Variants in C5AR1 observed in about 807,000 individuals in gnomAD.
C5AR1 encodes the protein complement C5a receptor 1.
A neutral mutation model predicts 2.4 loss-of-function variants in C5AR1; 4 were observed. The ratio of observed to expected loss-of-function variants is 1.65; its 90% CI spans 0.81 to 3.77. The LOEUF (loss-of-function observed/expected upper bound fraction) is 3.77. Among genes scored for constraint, C5AR1 ranks in the 30% most tolerant of loss-of-function variants. The probability of loss-of-function intolerance (pLI) is 0.01; values close to 1 mark genes in which losing one functional copy is unlikely to be tolerated. For missense variants in C5AR1, 418 were observed against 462.5 expected (o/e 0.90, Z 0.88); for synonymous variants, 209 against 210.4 (o/e 0.99, Z 0.06).
upstream of C5AR1, among the ~76,000 whole-genome samples, chr19:47,308,950 T>G (rs2059261805): frequency 6.6e-6 from 1 of 152,076 alleles, no homozygotes; most frequent in South Asian, 2.1e-4. Flanking sequence ...AATTTTTGTA[T>G]TTTTAGTAGA....
In C5AR1 at chr19:47,320,200, C is replaced by T. The variant is rs762705701; in HGVS notation, c.423C>T (p.Pro141=). ...ACCGCTTTCTGCTGGTGTTTAAACCCATCTGGTGCCAGAACTTCCGAGGGG... is the reference window on the plus strand; with the variant it reads ...ACCGCTTTCTGCTGGTGTTTAAACCTATCTGGTGCCAGAACTTCCGAGGGG... ...SADRFLLVFK[P]IWCQNFRGAG... is the part of the protein sequence containing the mutation. The change falls in exon 2 of 2, where the codon CCC becomes CCT. Residue 141 remains proline (P), a synonymous_variant. Transcript: ENST00000355085. The surrounding 1 kb of genome is among the most constrained non-coding windows in gnomAD (Gnocchi z 4.9). The T allele has an allele frequency of 3.7e-6, 6 of 1,614,230 alleles. No individual in the cohort carries two copies. The South Asian group carries it at 6.6e-5, about 18-fold the overall frequency.
rs2059301738 is a variant in C5AR1 at position 47,319,723 on chromosome 19, C to T, written c.4-58C>T. ...AGCCACATGCCTGAGCCAGGATGCCCCCTACCCGGGCACATGTCTGCAGAC... is the reference window on the plus strand; with the variant it reads ...AGCCACATGCCTGAGCCAGGATGCCTCCTACCCGGGCACATGTCTGCAGAC... On this transcript the variant is annotated intron_variant, in intron 1 of 1. Transcript: ENST00000355085. 8 of 1,152,214 alleles carry T rather than the reference C, an allele frequency of 6.9e-6. No homozygotes were observed. The Admixed American group carries it at 1.5e-4, about 22-fold the overall frequency. 71.4% of individuals were successfully genotyped at this position (1,152,214 alleles called of 1,614,324 possible). A position where few individuals can be genotyped will look rare whatever the true frequency, so the allele number is the denominator to read the frequency against.
At chr19:47,309,972 C>T (rs2059264876) in intron 1 of C5AR1, 74 bp downstream of exon 1, 21 of 1,498,968 alleles carry the variant, frequency 1.4e-5, no homozygotes, top group Non-Finnish European at 1.9e-5. Flanking sequence ...GTGGGTCCTT[C>T]TCTCTCCCCA....
chr19:47,312,727 C>T (rs1175492110), intron 1 of C5AR1, among the ~76,000 whole-genome samples: 1 of 151,726 alleles, frequency 6.6e-6, no homozygotes, highest in Non-Finnish European at 1.5e-5. Flanking sequence ...GGAGTTGCCT[C>T]CTCCTCCTCC....
chr19:47,320,279 AC>A lies in C5AR1; in HGVS notation c.504del (p.Ile169TyrfsTer92). 1 of 1,613,176 alleles carries A rather than the reference AC, an allele frequency of 6.2e-7. No individual in the cohort carries two copies. Among genetic ancestry groups the A allele is most frequent in the East Asian group, 2.2e-5 (1 of 44,868 alleles). On this transcript the variant is annotated frameshift_variant, in exon 2 of 2. Coordinates refer to ENST00000355085, the MANE Select transcript of C5AR1 (RefSeq NM_001736.4). LOFTEE classifies it low-confidence loss of function (END_TRUNC). The surrounding 1 kb of genome is among the most constrained non-coding windows in gnomAD (Gnocchi z 4.9). ...GGCTTGGGGTTTAGCCCTGCTGCTG[AC>A]CATACCCTCCTTCCTGTACCGGGTG... ...AVAWGLALLLTIPSFLYRVVR... is the reference protein window; with the variant it reads ...AVAWGLALLLXIPSFLYRVVR...
intron 1 of C5AR1, among the ~76,000 whole-genome samples, 155 bp from the exon 2 acceptor site, chr19:47,319,626 G>A (rs531140440): frequency 4.6e-5 from 7 of 151,960 alleles, no homozygotes; most frequent in Non-Finnish European, 1.0e-4. Flanking sequence ...TTAATAAGTG[G>A]TGTGACACCC....
intron 1 of C5AR1, among the ~76,000 whole-genome samples, chr19:47,315,049 GT>G (rs1286994715): frequency 6.6e-6 from 1 of 151,864 alleles, no homozygotes; most frequent in African/African-American, 2.4e-5. Flanking sequence ...CTTTTTGTCT[GT>G]TTTTTTCCTT....
rs201707211 is a variant in C5AR1 at position 47,321,020 on chromosome 19, G to A, written c.*190G>A. On this transcript the variant is annotated 3_prime_UTR_variant, in exon 2 of 2. Coordinates refer to ENST00000355085, the MANE Select transcript of C5AR1 (RefSeq NM_001736.4). The stretch of plus-strand genomic sequence containing the variant: ...CTTCTCATCCTTCCTCATTTGCAAG[G>A]TGAACACTTCCTTCTAGGGAGCACC... 9.4e-6 allele frequency: 5 copies of A among 533,276 alleles called. No homozygotes were observed. In the African/African-American group the frequency reaches 9.7e-5, roughly 10 times the overall value. The allele number at this position is 533,276 out of a possible 1,614,324, so 33.0% of individuals were successfully genotyped here.
chr19:47,319,091 G>A (rs1034120541), intron 1 of C5AR1, among the ~76,000 whole-genome samples: 2 of 150,938 alleles, frequency 1.3e-5, no homozygotes, highest in Non-Finnish European at 3.0e-5. Flanking sequence ...TCACTACATT[G>A]GTCAGGCTGA....
rs367724320 is a variant in C5AR1 at position 47,319,760 on chromosome 19, G to T, written c.4-21G>T. ...ACATGTCTGCAGACTCATCCTCTCT[G>T]CTCTCTCCGATTCCCCTTAGGACTC... is the stretch of plus-strand genomic sequence containing the variant. On this transcript the variant is annotated intron_variant, in intron 1 of 1. Coordinates refer to ENST00000355085, the MANE Select transcript of C5AR1 (RefSeq NM_001736.4). The T allele has an allele frequency of 4.7e-6, 7 of 1,503,062 alleles. No individual in the cohort carries two copies. In the African/African-American group the frequency reaches 9.6e-5, roughly 21 times the overall value. 93.1% of individuals were successfully genotyped at this position (1,503,062 alleles called of 1,614,324 possible).
intron 1 of C5AR1, among the ~76,000 whole-genome samples, chr19:47,310,508 C>T (rs1048345098): frequency 1.3e-5 from 2 of 152,072 alleles, no homozygotes; most frequent in African/African-American, 4.8e-5. Context: ...TTTTCTTTTT[C>T]GACTTGGGGT....
rs1232220176 is a variant in C5AR1, at chr19:47,320,779, A to T, written c.1002A>T (p.Ser334=). Residue 334 remains serine (S), a synonymous_variant, in exon 2 of 2, where the codon TCA becomes TCT. Transcript: ENST00000355085. This position sits in a 1 kb window ranked among gnomAD's most constrained non-coding sequence, Gnocchi z 4.9. ...AGTCCGTGGTTAGGGAGAGCAAGTC[A>T]TTCACGCGCTCCACAGTGGACACTA... ...TEESVVRESK[S]FTRSTVDTMA... 6.2e-7 allele frequency: 1 copy of T among 1,613,900 alleles called. No individual in the cohort carries two copies. The highest frequency in any genetic ancestry group is 8.5e-7 in the Non-Finnish European group (1 of 1,180,010).
Position 47,321,051 on chromosome 19 carries a change from A to AC in C5AR1, c.*227dup, listed in dbSNP as rs1306631396. ...ACTTCCTTCTAGGGAGCACCCTCCC[A>AC]CCCCCCACCCCCCCCACACACACCA... On this transcript the variant is annotated 3_prime_UTR_variant, in exon 2 of 2. Transcript: ENST00000355085. 2.1e-5 allele frequency: 4 copies of AC among 186,988 alleles called. No individual in the cohort carries two copies. The highest frequency in any genetic ancestry group is 6.0e-5 in the South Asian group (1 of 16,666). 11.6% of individuals were successfully genotyped at this position (186,988 alleles called of 1,614,324 possible).
upstream of C5AR1, among the ~76,000 whole-genome samples, chr19:47,308,020 C>T (rs1230748147): frequency 5.9e-5 from 9 of 151,748 alleles, no homozygotes; most frequent in African/African-American, 2.2e-4. Flanking sequence ...CGAGATCAGC[C>T]TGGCCAAGAT....
At chr19:47,309,216 G>A (rs540007250), upstream of C5AR1, among the ~76,000 whole-genome samples, 7 of 152,296 alleles carry the variant, frequency 4.6e-5, no homozygotes, top group East Asian at 1.4e-3. Context: ...TCCCAAGGGA[G>A]GGGTTTAAGC....
rs1599732314 is a variant in C5AR1, at chr19:47,320,039, G to A, written c.262G>A (p.Ala88Thr). The A allele has an allele frequency of 2.5e-6, 4 of 1,614,206 alleles. No individual in the cohort carries two copies. The highest frequency in any genetic ancestry group is 2.2e-5 in the East Asian group (1 of 44,880). The change falls in exon 2 of 2, where the codon GCG becomes ACG. Residue 88 changes from alanine to threonine, a missense_variant. Ala to Thr is a moderately conservative substitution (Grantham distance 58, BLOSUM62 0). Transcript: ENST00000355085. The surrounding 1 kb of genome is among the most constrained non-coding windows in gnomAD (Gnocchi z 4.9). The stretch of plus-strand genomic sequence containing the variant: ...GGTAGCCGACTTCCTCTCCTGCCTG[G>A]CGCTGCCCATCTTGTTCACGTCCAT... Reference protein sequence around the residue: ...LAVADFLSCLALPILFTSIVQ... With the variant: ...LAVADFLSCLTLPILFTSIVQ...
At chr19:47,308,947 G>A (rs1007287765), upstream of C5AR1, among the ~76,000 whole-genome samples, 4 of 152,116 alleles carry the variant, frequency 2.6e-5, no homozygotes, top group Non-Finnish European at 4.4e-5. Context: ...GGTAATTTTT[G>A]TATTTTTAGT....
chr19:47,320,875 C>T lies in C5AR1; in HGVS notation c.*45C>T. The stretch of plus-strand genomic sequence containing the variant: ...CTGTGGCCCGATGTCCCCTTCCTTC[C>T]CGGCCATTCTCCCTCTTGTTTTCAC... On this transcript the variant is annotated 3_prime_UTR_variant, in exon 2 of 2. Coordinates refer to ENST00000355085, the MANE Select transcript of C5AR1 (RefSeq NM_001736.4). This position sits in a 1 kb window ranked among gnomAD's most constrained non-coding sequence, Gnocchi z 4.9. 6.6e-7 allele frequency: 1 copy of T among 1,515,904 alleles called. No individual in the cohort carries two copies. Among genetic ancestry groups the T allele is most frequent in the Non-Finnish European group, 9.0e-7 (1 of 1,116,226 alleles). The allele number at this position is 1,515,904 out of a possible 1,614,324, so 93.9% of individuals were successfully genotyped here.
intron 1 of C5AR1, among the ~76,000 whole-genome samples, chr19:47,316,158 A>T (rs887952791): frequency 2.0e-5 from 3 of 151,366 alleles, no homozygotes; most frequent in African/African-American, 7.3e-5. Context: ...GGCACACACC[A>T]CTGGGCCCAG....
Sources: gnomAD v4.1 joint callset for allele counts (sites outside exome capture counted in the v4.1 genomes callset) on GRCh38, gnomAD v4.1.1 for gene constraint, Gnocchi (gnomAD v3.1) non-coding constraint, MANE v1.5 for transcripts, NCBI Gene and HGNC (gene_info 2026-07-23, HGNC 2026-07-21) for gene names.